DENND1A: variants seen among roughly 807,000 people sequenced by gnomAD.
DENND1A encodes DENN domain containing 1A.
In DENND1A, 51 loss-of-function variants were observed where a neutral mutation model predicts 113.7. The ratio of observed to expected loss-of-function variants is 0.45; its 90% confidence interval spans 0.36 to 0.57. The LOEUF is 0.57. DENND1A is among the 20% of genes least tolerant of loss of function. The pLI is 0.00. For synonymous variants in DENND1A, 565 were observed against 570.8 expected (o/e 0.99, Z 0.14); for missense variants, 1,258 against 1,395.9 (o/e 0.90, Z 1.57).
chr9:123,527,254 T>C (rs1194609473), intron 13 of DENND1A, among the ~76,000 whole-genome samples: 1 of 152,236 alleles, frequency 6.6e-6, no homozygotes, highest in Non-Finnish European at 1.5e-5. Context: ...TGGCGGCTTC[T>C]TTCTCTGAGC....
At chr9:123,765,637 G>A (rs913189808) in intron 4 of DENND1A, among the ~76,000 whole-genome samples, 1 of 152,220 alleles carries the variant, frequency 6.6e-6, no homozygotes, top group African/African-American at 2.4e-5. Flanking sequence ...GAAGAGAATA[G>A]CTTTTCCATC....
intron 11 of DENND1A, among the ~76,000 whole-genome samples, chr9:123,608,535 G>T (rs1157193463): frequency 2.0e-5 from 3 of 152,086 alleles, no homozygotes; most frequent in African/African-American, 7.2e-5. Flanking sequence ...AAGGGCTTAG[G>T]GTACATGTCT....
intron 12 of DENND1A, among the ~76,000 whole-genome samples, chr9:123,574,184 TTTTTTTTG>T (rs1426139600): frequency 2.7e-5 from 4 of 150,460 alleles, no homozygotes; most frequent in Admixed American, 6.6e-5. Context: ...TTTTTTTTTT[TTTTTTTTG>T]TTTGTAAATT....
chr9:123,625,610 G>GGTAT (rs1381579893), intron 10 of DENND1A, among the ~76,000 whole-genome samples: 1 of 152,152 alleles, frequency 6.6e-6, no homozygotes, highest in Non-Finnish European at 1.5e-5. Context: ...CAGGCATGGT[G>GGTAT]GTATGCACCT....
chr9:123,852,682 T>TA (rs1843562391), intron 2 of DENND1A, among the ~76,000 whole-genome samples: 1 of 152,088 alleles, frequency 6.6e-6, no homozygotes, highest in South Asian at 2.1e-4. Context: ...TTAGGAAAGC[T>TA]AAGCAATTAA....
At chr9:123,861,560 A>G (rs1845056227) in intron 2 of DENND1A, among the ~76,000 whole-genome samples, 1 of 152,190 alleles carries the variant, frequency 6.6e-6, no homozygotes, top group African/African-American at 2.4e-5. Flanking sequence ...TTGTACAAAA[A>G]GCAGCCACAA....
Position 123,440,440 on chromosome 9 carries a change from T to G in DENND1A, c.1408A>C (p.Thr470Pro), listed in dbSNP as rs2046844067. 4 of 1,573,496 alleles carry G rather than the reference T, an allele frequency of 2.5e-6. No homozygotes were observed. The highest frequency in any genetic ancestry group is 3.4e-6 in the Non-Finnish European group (4 of 1,167,312). Residue 470 changes from threonine (T) to proline (P), a missense_variant, in exon 19 of 24, where the codon ACT (threonine) becomes CCT (proline). Coordinates refer to ENST00000394215, the MANE Select transcript of DENND1A (RefSeq NM_001352964.2). Reference sequence around the variant, plus strand: ...GCCTCCACCAGTGGGGACGGTGCAGTCTTTGGCAGCTGCTCTTCTGGGGTG... The same window carrying G: ...GCCTCCACCAGTGGGGACGGTGCAGGCTTTGGCAGCTGCTCTTCTGGGGTG... ...APTPEEQLPK[T>P]APSPLVEAKD...
intron 18 of DENND1A, among the ~76,000 whole-genome samples, chr9:123,444,088 C>T (rs550861438): frequency 3.9e-5 from 6 of 152,274 alleles, no homozygotes; most frequent in South Asian, 2.1e-4. Context: ...TAAGCACTAA[C>T]GTAGCTGTCA....
In DENND1A at chr9:123,728,321, T is replaced by C. The variant is rs571985023; in HGVS notation, c.302+29382A>G. On this transcript the variant is annotated intron_variant, in intron 5 of 23. Coordinates refer to ENST00000394215, the MANE Select transcript of DENND1A (RefSeq NM_001352964.2). Reference sequence around the variant, plus strand: ...GGAGAAACCCTGTCTCTACTAAAAATACAAAATTAGCCAGGCGTGGTGGCA... The same window carrying C: ...GGAGAAACCCTGTCTCTACTAAAAACACAAAATTAGCCAGGCGTGGTGGCA... 4.9e-5 allele frequency among the ~76,000 whole-genome samples: 7 copies of C among 142,386 alleles called. No homozygotes were observed. The South Asian group carries it at 1.3e-3, about 27-fold the overall frequency. 93.4% of individuals were successfully genotyped at this position (142,386 alleles called of 152,430 possible).
At chr9:123,792,736 T>A (rs1358872614) in intron 2 of DENND1A, 106 bp from the exon 3 acceptor site, 1 of 1,293,182 alleles carries the variant, frequency 7.7e-7, no homozygotes. Context: ...TGGCAGGGGA[T>A]CCAAGGGGGG....
chr9:123,398,791 A>G (rs566572805), intron 21 of DENND1A, among the ~76,000 whole-genome samples: 1 of 146,840 alleles, frequency 6.8e-6, no homozygotes, highest in Admixed American at 6.9e-5. Flanking sequence ...AAACCACCAC[A>G]CAGCATTTTT....
At chr9:123,894,517 T>C (rs1484920077) in intron 1 of DENND1A, among the ~76,000 whole-genome samples, 1 of 152,068 alleles carries the variant, frequency 6.6e-6, no homozygotes, top group Non-Finnish European at 1.5e-5. Context: ...TAAAACAAAA[T>C]GCTGTGGGTT....
chr9:123,486,627 C>A (rs1347393284), intron 13 of DENND1A, among the ~76,000 whole-genome samples: 1 of 152,218 alleles, frequency 6.6e-6, no homozygotes, highest in African/African-American at 2.4e-5. Context: ...GTCCAGCCAG[C>A]AAGCCTTGAG....
intron 5 of DENND1A, among the ~76,000 whole-genome samples, chr9:123,682,336 G>A (rs2064520967): frequency 6.6e-6 from 1 of 152,194 alleles, no homozygotes. Context: ...AGAGCTGCTT[G>A]TGTTCATGTC....
chr9:123,886,920 G>T (rs1434051530), intron 1 of DENND1A, among the ~76,000 whole-genome samples: 1 of 152,172 alleles, frequency 6.6e-6, no homozygotes, highest in South Asian at 2.1e-4. Context: ...ATATTGCTAC[G>T]AAAAGAGTCA....
chr9:123,673,494 T>C (rs1454158917), intron 6 of DENND1A, among the ~76,000 whole-genome samples: 1 of 152,230 alleles, frequency 6.6e-6, no homozygotes, highest in African/African-American at 2.4e-5. Flanking sequence ...GTTCATCTTA[T>C]ACTTTCCCTG....
At chr9:123,639,667 C>A (rs2061920237) in intron 9 of DENND1A, among the ~76,000 whole-genome samples, 1 of 151,236 alleles carries the variant, frequency 6.6e-6, no homozygotes, top group Non-Finnish European at 1.5e-5. Context: ...ATCTCGGCTA[C>A]TCGGGAGGCT....
At chr9:123,462,994 G>A (rs1298530379) in intron 13 of DENND1A, among the ~76,000 whole-genome samples, 3 of 152,018 alleles carry the variant, frequency 2.0e-5, no homozygotes, top group South Asian at 4.2e-4. Context: ...TAAAAATGGC[G>A]GCCCCCACTC....
chr9:123,907,690 TAA>T (rs1311671076), intron 1 of DENND1A, among the ~76,000 whole-genome samples: 3 of 150,020 alleles, frequency 2.0e-5, no homozygotes, highest in Non-Finnish European at 3.0e-5. Context: ...CTCAAGGAAA[TAA>T]AAGAGGATAC....
Sources: gnomAD v4.1 joint callset for allele counts (sites outside exome capture counted in the v4.1 genomes callset) on GRCh38, gnomAD v4.1.1 for gene constraint, MANE v1.5 for transcripts, NCBI Gene and HGNC (gene_info 2026-07-23, HGNC 2026-07-21) for gene names.